Variants in RUNDC3B observed in about 807,000 individuals in gnomAD.
The protein encoded by RUNDC3B is RUN domain containing 3B, also known as RUN domain-containing protein 3B.
A neutral mutation model predicts 58.4 loss-of-function variants in RUNDC3B; 33 were observed. The ratio of observed to expected loss-of-function variants is 0.56; its 90% CI spans 0.43 to 0.75. RUNDC3B has a LOEUF of 0.75. Among genes scored for constraint, RUNDC3B ranks in the 30% least tolerant of loss-of-function variants. The probability of loss-of-function intolerance (pLI) is 0.00; values close to 1 mark genes in which losing one functional copy is unlikely to be tolerated. For synonymous variants in RUNDC3B, 193 were observed against 195.2 expected (o/e 0.99, Z 0.10); for missense variants, 501 against 535.7 (o/e 0.94, Z 0.64).
In RUNDC3B at chr7:87,786,262, G is replaced by T. The variant is rs574897366; in HGVS notation, c.956+8307G>T. The stretch of plus-strand genomic sequence containing the variant: ...CACTTCCTCCTTCCAGTGTTATTTT[G>T]TAATGAGATACTTTGAGACTAAGTA... On this transcript the variant is annotated intron_variant, in intron 8 of 10. Transcript: ENST00000394654. 2.0e-5 allele frequency among the ~76,000 whole-genome samples: 3 copies of T among 152,026 alleles called. No individual in the cohort carries two copies. The South Asian group carries it at 6.2e-4, about 32-fold the overall frequency.
intron 8 of RUNDC3B, among the ~76,000 whole-genome samples, chr7:87,787,439 T>C (rs1351116556): frequency 6.6e-6 from 1 of 152,308 alleles, no homozygotes; most frequent in East Asian, 1.9e-4. Context: ...TTGTGTTGAT[T>C]TTTTTTCCTG....
At chr7:87,809,640 G>C (rs1474518643) in intron 9 of RUNDC3B, among the ~76,000 whole-genome samples, 3 of 152,076 alleles carry the variant, frequency 2.0e-5, no homozygotes. Flanking sequence ...TTCAATGTTT[G>C]GAGAGTGTAT....
At chr7:87,647,254 AGTATT>A (rs1350430677) in intron 1 of RUNDC3B, among the ~76,000 whole-genome samples, 1 of 152,164 alleles carries the variant, frequency 6.6e-6, no homozygotes, top group Non-Finnish European at 1.5e-5. Context: ...TATTTTCTTA[AGTATT>A]CTAAGACATT....
At chr7:87,796,402 A>G (rs1835823026) in intron 8 of RUNDC3B, among the ~76,000 whole-genome samples, 1 of 152,172 alleles carries the variant, frequency 6.6e-6, no homozygotes, top group African/African-American at 2.4e-5. Context: ...ATTTGATAGT[A>G]CAACAGATTA....
intron 7 of RUNDC3B, among the ~76,000 whole-genome samples, chr7:87,774,664 A>C (rs1271476689): frequency 6.6e-6 from 1 of 152,218 alleles, no homozygotes; most frequent in Admixed American, 6.5e-5. Flanking sequence ...CCATTTAACA[A>C]ATTGAAAAAG....
intron 4 of RUNDC3B, among the ~76,000 whole-genome samples, chr7:87,712,194 A>G (rs1463868578): frequency 6.6e-6 from 1 of 152,118 alleles, no homozygotes; most frequent in African/African-American, 2.4e-5. Flanking sequence ...TGAAAGAAAT[A>G]TTTGCATAAA....
intron 8 of RUNDC3B, among the ~76,000 whole-genome samples, chr7:87,783,544 G>T (rs1835050720): frequency 6.6e-6 from 1 of 152,002 alleles, no homozygotes; most frequent in South Asian, 2.1e-4. Flanking sequence ...TCCTATCCTG[G>T]TGCTGTTAGC....
chr7:87,760,383 A>G (rs777059908), intron 6 of RUNDC3B, among the ~76,000 whole-genome samples: 53 of 152,170 alleles, frequency 3.5e-4, no homozygotes, highest in Non-Finnish European at 5.4e-4. Context: ...AACACTTCAT[A>G]TTCTTAAGAT....
At chr7:87,817,724 C>A (rs77679911) in intron 10 of RUNDC3B, among the ~76,000 whole-genome samples, 1,739 of 152,258 alleles carry the variant, frequency 0.011, 41 homozygotes, top group African/African-American at 0.04. Context: ...GCCAGGCATG[C>A]TCTATCATAC....
At chr7:87,752,792 G>A (rs1833099203) in intron 6 of RUNDC3B, among the ~76,000 whole-genome samples, 1 of 150,740 alleles carries the variant, frequency 6.6e-6, no homozygotes, top group Non-Finnish European at 1.5e-5. Flanking sequence ...CTTGCTAGTG[G>A]TTTATCAGTT....
intron 8 of RUNDC3B, among the ~76,000 whole-genome samples, chr7:87,778,929 G>A (rs541798006): frequency 5.9e-5 from 9 of 151,610 alleles, no homozygotes; most frequent in East Asian, 1.9e-4. Context: ...AAAATTATAC[G>A]GACAGTTCAA....
At chr7:87,777,051 G>A (rs933048156) in intron 7 of RUNDC3B, among the ~76,000 whole-genome samples, 24 of 152,210 alleles carry the variant, frequency 1.6e-4, no homozygotes, top group African/African-American at 5.8e-4. Flanking sequence ...AGGGTTTGAG[G>A]ATAAATTCAA....
At chr7:87,706,139 A>AT (rs1420711173) in intron 3 of RUNDC3B, among the ~76,000 whole-genome samples, 2 of 152,214 alleles carry the variant, frequency 1.3e-5, no homozygotes, top group Non-Finnish European at 2.9e-5. Context: ...TGCTAGTTAC[A>AT]TCAGCCATCC....
At chr7:87,809,686 A>G (rs1165769806) in intron 9 of RUNDC3B, among the ~76,000 whole-genome samples, 1 of 152,200 alleles carries the variant, frequency 6.6e-6, no homozygotes, top group Admixed American at 6.5e-5. Context: ...AACCTTATGT[A>G]AAATTAAAGT....
At chr7:87,809,517 G>T (rs997447839) in intron 9 of RUNDC3B, among the ~76,000 whole-genome samples, 1 of 152,124 alleles carries the variant, frequency 6.6e-6, no homozygotes, top group African/African-American at 2.4e-5. Context: ...CTGTCTAACA[G>T]AATTATAAGG....
intron 6 of RUNDC3B, among the ~76,000 whole-genome samples, chr7:87,764,265 CTTCTGAG>C (rs1215124526): frequency 6.6e-6 from 1 of 151,802 alleles, no homozygotes; most frequent in Non-Finnish European, 1.5e-5. Context: ...CATTTTCAGT[CTTCTGAG>C]TTGACAGTTA....
chr7:87,727,109 A>G (rs1831281085), intron 4 of RUNDC3B, among the ~76,000 whole-genome samples: 1 of 152,198 alleles, frequency 6.6e-6, no homozygotes. Flanking sequence ...CCCTGGCCAG[A>G]AATCCCAACA....
intron 2 of RUNDC3B, among the ~76,000 whole-genome samples, chr7:87,696,636 G>T (rs1828515921): frequency 6.6e-6 from 1 of 152,040 alleles, no homozygotes; most frequent in Admixed American, 6.5e-5. Flanking sequence ...TCAGTGTCTT[G>T]AATTAAGAGC....
At chr7:87,644,764 G>GATAT (rs147569892) in intron 1 of RUNDC3B, among the ~76,000 whole-genome samples, 8 of 150,924 alleles carry the variant, frequency 5.3e-5, no homozygotes, top group Non-Finnish European at 1.2e-4. Flanking sequence ...TGTATATATG[G>GATAT]ATATATATAT....
Sources: gnomAD v4.1 joint callset for allele counts (sites outside exome capture counted in the v4.1 genomes callset) on GRCh38, gnomAD v4.1.1 for gene constraint, MANE v1.5 for transcripts, NCBI Gene and HGNC (gene_info 2026-07-23, HGNC 2026-07-21) for gene names.